Variants in GNG2 observed in about 807,000 individuals in gnomAD.
GNG2 encodes the protein guanine nucleotide-binding protein G(I)/G(S)/G(O) subunit gamma-2.
Under a neutral mutation model 5.5 loss-of-function variants are expected in GNG2, and 5 were observed. The ratio of observed to expected loss-of-function variants is 0.91; its 90% CI spans 0.48 to 1.92. The LOEUF is 1.92. Among genes scored for constraint, GNG2 ranks in the 30% most tolerant of loss-of-function variants. The pLI, the probability that GNG2 is intolerant of heterozygous loss-of-function variation, is 0.01. For missense variants in GNG2, 55 were observed against 88.4 expected (o/e 0.62, Z 1.52); for synonymous variants, 28 against 32.0 (o/e 0.88, Z 0.42).
intron 2 of GNG2, among the ~76,000 whole-genome samples, chr14:51,895,901 G>A (rs1885161732): frequency 6.6e-6 from 1 of 152,166 alleles, no homozygotes; most frequent in African/African-American, 2.4e-5. Flanking sequence ...CTCTTTGCCT[G>A]CTGCCATCCA....
intron 2 of GNG2, among the ~76,000 whole-genome samples, chr14:51,926,204 T>C (rs1887309988): frequency 6.6e-6 from 1 of 152,176 alleles, no homozygotes; most frequent in Admixed American, 6.5e-5. Context: ...TTCCGAAGTC[T>C]TCTGAAATCA....
chr14:51,928,102 C>T (rs1390142756), intron 2 of GNG2, among the ~76,000 whole-genome samples: 1 of 147,038 alleles, frequency 6.8e-6, no homozygotes, highest in African/African-American at 2.5e-5. Flanking sequence ...AAGATCGTGG[C>T]TCACTGCAAC....
intron 2 of GNG2, 32 bp from the exon 3 acceptor site, chr14:51,950,618 T>A (rs770919668): frequency 7.6e-7 from 1 of 1,314,350 alleles, no homozygotes. Flanking sequence ...ATGAATTCTC[T>A]GGTACAATCT....
chr14:51,892,043 T>C (rs1263627212), intron 2 of GNG2, among the ~76,000 whole-genome samples: 1 of 152,154 alleles, frequency 6.6e-6, no homozygotes, highest in Non-Finnish European at 1.5e-5. Context: ...AGTATAAGAG[T>C]TCCTCTTGCT....
At chr14:51,933,765 T>C (rs1258096779) in intron 2 of GNG2, among the ~76,000 whole-genome samples, 2 of 152,174 alleles carry the variant, frequency 1.3e-5, no homozygotes, top group Non-Finnish European at 1.5e-5. Flanking sequence ...TGCAGGTAAG[T>C]TGGTCATGGG....
chr14:51,835,983 A>C (rs1199592073), intron 2 of GNG2, among the ~76,000 whole-genome samples: 1 of 151,814 alleles, frequency 6.6e-6, no homozygotes, highest in African/African-American at 2.4e-5. Context: ...AGAACACTAT[A>C]GACTGGGTGA....
upstream of GNG2, among the ~76,000 whole-genome samples, chr14:51,858,740 T>C (rs1254675909): frequency 2.0e-5 from 3 of 152,234 alleles, no homozygotes; most frequent in African/African-American, 7.2e-5. Flanking sequence ...CAAGGGTTCC[T>C]GGTTTGGAGA....
chr14:51,841,119 A>G (rs1041519120), intron 2 of GNG2, among the ~76,000 whole-genome samples: 5 of 152,238 alleles, frequency 3.3e-5, no homozygotes, highest in Admixed American at 6.5e-5. Context: ...ATTTATACAT[A>G]GGTCCATAAC....
At chr14:51,847,050 A>C (rs1019850055) in intron 2 of GNG2, 3 of 152,254 alleles carry the variant, frequency 2.0e-5, no homozygotes. Context: ...AATCCATTTT[A>C]TCACGGTATG....
intron 1 of GNG2, among the ~76,000 whole-genome samples, chr14:51,863,199 A>G (rs930920792): frequency 1.3e-5 from 2 of 152,198 alleles, no homozygotes; most frequent in Non-Finnish European, 2.9e-5. Context: ...TTCTGTGGGT[A>G]GGAGAAAACA....
intron 2 of GNG2, among the ~76,000 whole-genome samples, chr14:51,942,719 C>T (rs1172058246): frequency 6.6e-6 from 1 of 150,800 alleles, no homozygotes; most frequent in African/African-American, 2.4e-5. Flanking sequence ...CCACCAGACC[C>T]GGTTAGATTA....
At chr14:51,889,661 T>G (rs1228893091) in intron 2 of GNG2, among the ~76,000 whole-genome samples, 1 of 152,216 alleles carries the variant, frequency 6.6e-6, no homozygotes, top group African/African-American at 2.4e-5. Flanking sequence ...TTAAAGCTTT[T>G]TAACTCATTG....
chr14:51,935,871 C>T (rs1887971976), intron 2 of GNG2, among the ~76,000 whole-genome samples: 1 of 152,062 alleles, frequency 6.6e-6, no homozygotes, highest in South Asian at 2.1e-4. Context: ...TTTTCTGAGG[C>T]AATTCATATA....
intron 2 of GNG2, chr14:51,940,110 A>G (rs1169427996): frequency 6.6e-6 from 1 of 152,308 alleles, no homozygotes; most frequent in African/African-American, 2.4e-5. Flanking sequence ...CTGGTCCTCC[A>G]TGAAAGAACA....
intron 2 of GNG2, among the ~76,000 whole-genome samples, chr14:51,884,698 C>A (rs1388171492): frequency 2.0e-5 from 3 of 152,150 alleles, no homozygotes; most frequent in Non-Finnish European, 4.4e-5. Context: ...TTATTTAAGG[C>A]AGTAGAAACA....
intron 3 of GNG2, chr14:51,952,193 C>G (rs892867100): frequency 2.8e-6 from 1 of 355,946 alleles, no homozygotes; most frequent in Non-Finnish European, 5.0e-6. Context: ...GAGCAAATAC[C>G]CATGGACATT....
intron 1 of GNG2, among the ~76,000 whole-genome samples, 154 bp downstream of exon 1, chr14:51,860,944 C>T (rs529223424): frequency 6.6e-6 from 1 of 152,170 alleles, no homozygotes; most frequent in East Asian, 1.9e-4. Flanking sequence ...TGAGAATAAC[C>T]ACATTTATGA....
At chr14:51,909,052 A>C (rs1335894915) in intron 2 of GNG2, among the ~76,000 whole-genome samples, 2 of 152,188 alleles carry the variant, frequency 1.3e-5, no homozygotes, top group Non-Finnish European at 2.9e-5. Flanking sequence ...ATTATAAAAT[A>C]AAGAACTGCA....
In GNG2 at chr14:51,946,242, C is replaced by T. The variant is rs116005549; in HGVS notation, c.-29-4408C>T. 2.2e-3 allele frequency among the ~76,000 whole-genome samples: 329 copies of T among 152,152 alleles called. 2 individuals are homozygous for T. Among genetic ancestry groups the T allele is most frequent in the African/African-American group, 7.4e-3 (305 of 41,494 alleles). On this transcript the variant is annotated intron_variant, in intron 2 of 3. Coordinates refer to ENST00000556766, the MANE Select transcript of GNG2 (RefSeq NM_053064.5). ...TTCAAAATTGGAATTTTGTGATTCACGGTAGAGGTGGGGAAGATTGTCTAT... is the reference window on the plus strand; with the variant it reads ...TTCAAAATTGGAATTTTGTGATTCATGGTAGAGGTGGGGAAGATTGTCTAT...
Sources: gnomAD v4.1 joint callset for allele counts (sites outside exome capture counted in the v4.1 genomes callset) on GRCh38, gnomAD v4.1.1 for gene constraint, MANE v1.5 for transcripts, NCBI Gene and HGNC (gene_info 2026-07-23, HGNC 2026-07-21) for gene names.